The following DHRSX variants were observed in gnomAD, a reference collection of about 807,000 sequenced individuals.
The protein encoded by DHRSX is polyprenol dehydrogenase.
A neutral mutation model predicts 34.0 loss-of-function variants in DHRSX; 31 were observed. The ratio of observed to expected loss-of-function variants is 0.91; its 90% CI spans 0.69 to 1.23. The LOEUF (loss-of-function observed/expected upper bound fraction) is 1.23, where lower values mean the gene tolerates loss of function less well. Among genes scored for constraint, DHRSX ranks in the 50% most tolerant of loss-of-function variants. DHRSX has a pLI of 0.00. For synonymous variants in DHRSX, 201 were observed against 183.8 expected (o/e 1.09, Z -0.76); for missense variants, 414 against 428.1 (o/e 0.97, Z 0.29).
chrX:2,307,962 A>G (rs2042120254), intron 3 of DHRSX, among the ~76,000 whole-genome samples: 1 of 152,000 alleles, frequency 6.6e-6, no homozygotes, highest in African/African-American at 2.4e-5. Flanking sequence ...TCCCTTTCCC[A>G]GGGCACCATG....
chrX:2,311,683 C>T (rs188104699), intron 3 of DHRSX, among the ~76,000 whole-genome samples: 1 of 152,122 alleles, frequency 6.6e-6, no homozygotes, highest in South Asian at 2.1e-4. Flanking sequence ...CGTGGAAACG[C>T]GGACTTGTGA....
intron 3 of DHRSX, among the ~76,000 whole-genome samples, chrX:2,383,854 C>T (rs1443582449): frequency 1.3e-5 from 2 of 152,186 alleles, no homozygotes; most frequent in Non-Finnish European, 2.9e-5. Flanking sequence ...CTTGGATGGT[C>T]AGGAGGCAGA....
At chrX:2,251,834 G>A (rs1261938670) in intron 5 of DHRSX, among the ~76,000 whole-genome samples, 2 of 152,104 alleles carry the variant, frequency 1.3e-5, no homozygotes, top group African/African-American at 4.8e-5. Context: ...GGTGACAAGG[G>A]GGTCCTTAGC....
chrX:2,255,840 C>A (rs145783596), intron 5 of DHRSX, among the ~76,000 whole-genome samples: 1 of 151,566 alleles, frequency 6.6e-6, no homozygotes, highest in Non-Finnish European at 1.5e-5. Context: ...CTTGAACCCA[C>A]GAGGCAGAGG....
chrX:2,411,538 GA>G (rs1338729049), intron 2 of DHRSX, among the ~76,000 whole-genome samples: 20 of 129,456 alleles, frequency 1.5e-4, no homozygotes, highest in Non-Finnish European at 2.9e-4. Context: ...CTGGGCGACA[GA>G]GCCCAACTCT....
intron 3 of DHRSX, among the ~76,000 whole-genome samples, chrX:2,349,241 T>G (rs979167236): frequency 1.1e-4 from 17 of 152,050 alleles, no homozygotes; most frequent in African/African-American, 3.9e-4. Context: ...AGATATGGAA[T>G]GAACCCAAGC....
intron 3 of DHRSX, among the ~76,000 whole-genome samples, chrX:2,331,260 C>T (rs1341214396): frequency 6.6e-6 from 1 of 152,030 alleles, no homozygotes; most frequent in Non-Finnish European, 1.5e-5. Flanking sequence ...GCTATTTTCA[C>T]CATAGCAGAA....
intron 1 of DHRSX, among the ~76,000 whole-genome samples, chrX:2,435,698 A>G (rs5982845): frequency 0.26 from 40,026 of 152,024 alleles, 6,116 homozygotes; most frequent in African/African-American, 0.43. Flanking sequence ...CCAGGACTTG[A>G]AGGCTGCAGT....
At chrX:2,483,424 T>A (rs4313326) in intron 1 of DHRSX, among the ~76,000 whole-genome samples, 47,510 of 151,788 alleles carry the variant, frequency 0.31, 8,185 homozygotes, top group African/African-American at 0.45. Context: ...TGCGCCTCCA[T>A]GCCTGGCTAA....
At chrX:2,232,263 C>T (rs2015912425) in intron 6 of DHRSX, among the ~76,000 whole-genome samples, 1 of 152,084 alleles carries the variant, frequency 6.6e-6, no homozygotes, top group Admixed American at 6.6e-5. Flanking sequence ...TCCTCTGAAT[C>T]GAAATCACTC....
intron 4 of DHRSX, among the ~76,000 whole-genome samples, chrX:2,267,983 C>A (rs1343861615): frequency 6.6e-6 from 1 of 152,172 alleles, no homozygotes; most frequent in Non-Finnish European, 1.5e-5. Flanking sequence ...ATGGCACCCC[C>A]TCTTCACTGA....
intron 5 of DHRSX, among the ~76,000 whole-genome samples, chrX:2,253,782 C>T (rs2016496446): frequency 6.6e-6 from 1 of 152,086 alleles, no homozygotes; most frequent in Non-Finnish European, 1.5e-5. Flanking sequence ...TTTATAAGAC[C>T]GGGCGCGGTG....
At chrX:2,231,594 TTTC>T (rs1382697501) in intron 6 of DHRSX, among the ~76,000 whole-genome samples, 2 of 54,912 alleles carry the variant, frequency 3.6e-5, no homozygotes, top group Admixed American at 1.8e-4. Context: ...TATCCTCCTT[TTTC>T]TTTTTTCCCT....
intron 3 of DHRSX, among the ~76,000 whole-genome samples, chrX:2,394,875 A>G (rs1190359411): frequency 6.6e-6 from 1 of 151,984 alleles, no homozygotes. Flanking sequence ...CATGAAAAAA[A>G]AAAAAAAGAG....
chrX:2,443,070 T>C (rs1312601595), intron 1 of DHRSX, among the ~76,000 whole-genome samples: 1 of 152,092 alleles, frequency 6.6e-6, no homozygotes, highest in East Asian at 1.9e-4. Context: ...TCTGGCTCTG[T>C]CACCCAAGCT....
chrX:2,325,990 C>T (rs1410719689), intron 3 of DHRSX, among the ~76,000 whole-genome samples: 10 of 152,182 alleles, frequency 6.6e-5, no homozygotes, highest in East Asian at 1.9e-4. Flanking sequence ...AGAGAGCTTG[C>T]GCATTTTAAT....
intron 4 of DHRSX, among the ~76,000 whole-genome samples, chrX:2,270,652 T>G (rs780915284): frequency 2.3e-4 from 35 of 152,240 alleles, no homozygotes; most frequent in African/African-American, 7.9e-4. Flanking sequence ...GGCTGTAGCC[T>G]CCACAGTGCG....
chrX:2,331,648 C>T (rs1602958053), intron 3 of DHRSX, among the ~76,000 whole-genome samples: 1 of 151,812 alleles, frequency 6.6e-6, no homozygotes, highest in South Asian at 2.1e-4. Flanking sequence ...TGGGGTTTCA[C>T]CATGTTGGTC....
chrX:2,395,911 C>A (rs766569152), intron 3 of DHRSX, among the ~76,000 whole-genome samples: 1 of 152,086 alleles, frequency 6.6e-6, no homozygotes, highest in African/African-American at 2.4e-5. Flanking sequence ...ACTCGTCTCC[C>A]GAGGCTGCTG....
Sources: allele counts gnomAD v4.1 joint callset (sites outside exome capture counted in the v4.1 genomes callset), GRCh38; gene constraint gnomAD v4.1.1; transcripts MANE v1.5; gene names NCBI Gene and HGNC (gene_info 2026-07-23, HGNC 2026-07-21).